FSTL5: variants seen among roughly 807,000 people sequenced by gnomAD.
FSTL5 encodes the protein follistatin-related protein 5.
FSTL5 carries 62 observed loss-of-function variants against 89.1 expected under a neutral mutation model. The ratio of observed to expected loss-of-function variants is 0.70; its 90% CI spans 0.57 to 0.86. FSTL5 has a LOEUF of 0.86. Ranked by LOEUF, FSTL5 falls within the 40% of genes least tolerant of loss-of-function variation. FSTL5 has a pLI of 0.00. For synonymous variants in FSTL5, 383 were observed against 346.2 expected (o/e 1.11, Z -1.18); for missense variants, 1,057 against 1,001.6 (o/e 1.06, Z -0.75).
rs535146476 is a variant in FSTL5 at position 162,154,436 on chromosome 4, C to T, written c.-17+9179G>A. 3.4e-4 allele frequency among the ~76,000 whole-genome samples: 51 copies of T among 152,218 alleles called. 1 individual carries two copies. The South Asian group carries it at 0.011, about 32-fold the overall frequency. On this transcript the variant is annotated intron_variant, in intron 1 of 15. Transcript: ENST00000306100. ...AAGTAAATCTAAAGTATATTTCTTG[C>T]ACTTTTCCTAAATAGCAAGTGTAAA...
At chr4:161,422,479 G>A (rs1340816824) in intron 15 of FSTL5, among the ~76,000 whole-genome samples, 2 of 152,130 alleles carry the variant, frequency 1.3e-5, no homozygotes, top group Non-Finnish European at 2.9e-5. Flanking sequence ...TTCTTATTTT[G>A]ATTACCTTTG....
chr4:161,868,852 A>T (rs1232513729), intron 4 of FSTL5, among the ~76,000 whole-genome samples: 1 of 152,118 alleles, frequency 6.6e-6, no homozygotes, highest in Non-Finnish European at 1.5e-5. Context: ...CATCTTCTTT[A>T]TGCCTCTTGG....
intron 4 of FSTL5, among the ~76,000 whole-genome samples, chr4:161,794,128 C>T (rs180767235): frequency 4.6e-5 from 7 of 152,254 alleles, no homozygotes; most frequent in Admixed American, 2.0e-4. Flanking sequence ...CTGTGTTTCA[C>T]ATTATAGTCA....
intron 1 of FSTL5, among the ~76,000 whole-genome samples, chr4:162,122,336 C>T (rs899522364): frequency 2.6e-5 from 4 of 151,874 alleles, no homozygotes; most frequent in Admixed American, 6.6e-5. Context: ...CACTGTTCCC[C>T]GCTTCTACCA....
intron 4 of FSTL5, among the ~76,000 whole-genome samples, chr4:161,778,204 G>C (rs1285009226): frequency 6.6e-6 from 1 of 152,128 alleles, no homozygotes; most frequent in African/African-American, 2.4e-5. Context: ...ATGGCCTCAT[G>C]ATGAGGTCTT....
At chr4:161,724,066 A>G (rs1739310130) in intron 6 of FSTL5, among the ~76,000 whole-genome samples, 1 of 152,170 alleles carries the variant, frequency 6.6e-6, no homozygotes, top group African/African-American at 2.4e-5. Flanking sequence ...AAAGGATCAC[A>G]GAAAAAGCTA....
At chr4:162,153,875 G>A (rs1180267157) in intron 1 of FSTL5, among the ~76,000 whole-genome samples, 1 of 149,924 alleles carries the variant, frequency 6.7e-6, no homozygotes, top group Non-Finnish European at 1.5e-5. Flanking sequence ...GCATGATCTC[G>A]GCTCACCACA....
intron 7 of FSTL5, among the ~76,000 whole-genome samples, chr4:161,640,137 G>A (rs1033276265): frequency 6.6e-6 from 1 of 152,094 alleles, no homozygotes; most frequent in Non-Finnish European, 1.5e-5. Flanking sequence ...TTGGCACACA[G>A]CCTACAACAA....
intron 2 of FSTL5, among the ~76,000 whole-genome samples, chr4:162,080,450 T>C (rs1730049277): frequency 6.6e-6 from 1 of 151,612 alleles, no homozygotes; most frequent in Non-Finnish European, 1.5e-5. Context: ...AAAGAAAGAA[T>C]GAATCTGATG....
chr4:161,598,614 C>A (rs75449417), intron 7 of FSTL5, among the ~76,000 whole-genome samples: 528 of 152,202 alleles, frequency 3.5e-3, no homozygotes, highest in African/African-American at 0.011. Context: ...ATTCTCAGCT[C>A]TCCCTTCTTT....
intron 1 of FSTL5, among the ~76,000 whole-genome samples, chr4:162,152,906 T>C (rs1306784856): frequency 6.6e-6 from 1 of 151,520 alleles, no homozygotes; most frequent in Admixed American, 6.6e-5. Context: ...AAATACATTG[T>C]AGTGCCAAAC....
chr4:161,968,989 AC>A (rs1735406205), intron 3 of FSTL5, among the ~76,000 whole-genome samples: 1 of 151,110 alleles, frequency 6.6e-6, no homozygotes, highest in Admixed American at 6.6e-5. Flanking sequence ...ACACACACAC[AC>A]ATGCCCAAGG....
chr4:161,764,006 C>T (rs975468126), intron 5 of FSTL5, among the ~76,000 whole-genome samples: 1 of 151,924 alleles, frequency 6.6e-6, no homozygotes, highest in African/African-American at 2.4e-5. Context: ...TTATTTTCAA[C>T]CAACACGTGC....
At chr4:161,560,794 A>G (rs1732568188) in intron 8 of FSTL5, among the ~76,000 whole-genome samples, 1 of 151,896 alleles carries the variant, frequency 6.6e-6, no homozygotes, top group Non-Finnish European at 1.5e-5. Flanking sequence ...TGTGACAACA[A>G]TGCCTTCTTC....
intron 6 of FSTL5, among the ~76,000 whole-genome samples, chr4:161,757,051 T>C (rs1740594705): frequency 6.6e-6 from 1 of 152,174 alleles, no homozygotes; most frequent in Non-Finnish European, 1.5e-5. Flanking sequence ...AAATAATTTC[T>C]ACATTTTCAT....
At chr4:161,497,644 C>T (rs976417853) in intron 12 of FSTL5, among the ~76,000 whole-genome samples, 1 of 151,960 alleles carries the variant, frequency 6.6e-6, no homozygotes, top group African/African-American at 2.4e-5. Flanking sequence ...TGCAAACTTT[C>T]TATCCTTGCA....
intron 4 of FSTL5, among the ~76,000 whole-genome samples, chr4:161,893,249 G>C (rs1733044894): frequency 6.6e-6 from 1 of 152,096 alleles, no homozygotes; most frequent in East Asian, 1.9e-4. Context: ...TGGATGGCAA[G>C]GACCTTTATC....
At chr4:162,005,799 T>G (rs1029345056) in intron 3 of FSTL5, among the ~76,000 whole-genome samples, 4 of 152,134 alleles carry the variant, frequency 2.6e-5, no homozygotes, top group Non-Finnish European at 5.9e-5. Flanking sequence ...TCTTTGCAAC[T>G]TGACGAAGGC....
intron 10 of FSTL5, among the ~76,000 whole-genome samples, chr4:161,526,996 G>C (rs1731244165): frequency 6.6e-6 from 1 of 152,148 alleles, no homozygotes; most frequent in African/African-American, 2.4e-5. Context: ...TTGGTAGCTT[G>C]ATGGGGATGG....
Sources: gnomAD v4.1 joint callset for allele counts (sites outside exome capture counted in the v4.1 genomes callset) on GRCh38, gnomAD v4.1.1 for gene constraint, MANE v1.5 for transcripts, NCBI Gene and HGNC (gene_info 2026-07-23, HGNC 2026-07-21) for gene names.